Variants in ASTN1 observed in about 807,000 individuals in gnomAD.
ASTN1 encodes astrotactin 1.
ASTN1 carries 41 observed loss-of-function variants against 140.7 expected under a neutral mutation model. The ratio of observed to expected loss-of-function variants is 0.29; its 90% confidence interval spans 0.23 to 0.38. The LOEUF (loss-of-function observed/expected upper bound fraction) is 0.38, where lower values mean the gene tolerates loss of function less well. Ranked by LOEUF, ASTN1 falls within the 10% of genes least tolerant of loss-of-function variation. ASTN1 has a pLI of 1.00. For synonymous variants in ASTN1, 640 were observed against 652.2 expected (o/e 0.98, Z 0.29); for missense variants, 1,479 against 1,678.8 (o/e 0.88, Z 2.08).
At chr1:177,005,781 G>C (rs1025179012) in intron 8 of ASTN1, among the ~76,000 whole-genome samples, 7 of 152,088 alleles carry the variant, frequency 4.6e-5, no homozygotes, top group Admixed American at 3.9e-4. Flanking sequence ...CTAATTTTCT[G>C]TATTTTTAGT....
At chr1:177,001,230 T>C (rs988097878) in intron 8 of ASTN1, among the ~76,000 whole-genome samples, 2 of 152,210 alleles carry the variant, frequency 1.3e-5, no homozygotes, top group Non-Finnish European at 2.9e-5. Context: ...CAGTGCAATT[T>C]TACATAAGAG....
intron 16 of ASTN1, among the ~76,000 whole-genome samples, chr1:176,908,163 A>G (rs1159332996): frequency 6.6e-6 from 1 of 151,388 alleles, no homozygotes; most frequent in African/African-American, 2.4e-5. Flanking sequence ...ACACACACAG[A>G]GTTAGCTTTT....
intron 8 of ASTN1, chr1:176,981,276 G>A (rs1341665839): frequency 6.8e-6 from 1 of 146,082 alleles, no homozygotes; most frequent in African/African-American, 2.5e-5. Flanking sequence ...AATAAGATAT[G>A]GTAACTCTCC....
Position 177,029,849 on chromosome 1 carries a change from A to T in ASTN1, c.1013-108T>A, listed in dbSNP as rs73045473. The stretch of plus-strand genomic sequence containing the variant: ...AATCAACAAAAATGAAAGTAAGCTG[A>T]CTGATAATCTGGGAGAAATAGCCAA... On this transcript the variant is annotated intron_variant, in intron 4 of 22. Transcript: ENST00000361833. 4.9e-3 allele frequency: 5,257 copies of T among 1,076,752 alleles called. 184 individuals are homozygous for T. The African/African-American group carries it at 0.072, about 15-fold the overall frequency. The allele number at this position is 1,076,752 out of a possible 1,614,324, so 66.7% of individuals were successfully genotyped here.
intron 1 of ASTN1, among the ~76,000 whole-genome samples, chr1:177,151,008 T>G (rs1683007465): frequency 6.6e-6 from 1 of 152,074 alleles, no homozygotes; most frequent in African/African-American, 2.4e-5. Flanking sequence ...TAATAATGCG[T>G]TCTTGTGTAA....
rs1039318233 is a variant in ASTN1 at position 177,029,666 on chromosome 1, G to A, written c.1088C>T (p.Thr363Met). 12 of 1,613,794 alleles carry A rather than the reference G, an allele frequency of 7.4e-6. No homozygotes were observed. Among genetic ancestry groups the A allele is most frequent in the East Asian group, 2.2e-5 (1 of 44,882 alleles). The stretch of plus-strand genomic sequence containing the variant: ...ACGCCTCCTGCTCCTTGAAGGATCC[G>A]TGTAAAAGGTCAGCTGGGGGTCGTT... ...AENDPQLTFY[T>M]DPSRSRRRSR... The change falls in exon 5 of 23, where the codon ACG (threonine) becomes ATG (methionine). Residue 363 changes from threonine (T) to methionine (M), a missense_variant. Transcript: ENST00000361833.
At chr1:176,950,659 G>C (rs1045884613) in intron 11 of ASTN1, among the ~76,000 whole-genome samples, 1 of 151,836 alleles carries the variant, frequency 6.6e-6, no homozygotes, top group Admixed American at 6.6e-5. Flanking sequence ...ATTTGCATTA[G>C]AGCTAATCCT....
At chr1:177,105,357 A>G (rs1293161216) in intron 1 of ASTN1, among the ~76,000 whole-genome samples, 2 of 152,162 alleles carry the variant, frequency 1.3e-5, no homozygotes, top group Non-Finnish European at 2.9e-5. Flanking sequence ...TTTGCCCAAA[A>G]GTGAAAACCT....
chr1:176,902,822 C>A (rs1275453681), intron 16 of ASTN1, among the ~76,000 whole-genome samples: 1 of 152,190 alleles, frequency 6.6e-6, no homozygotes, highest in Non-Finnish European at 1.5e-5. Flanking sequence ...GAACAAATTG[C>A]TCAGCGAGGC....
chr1:177,094,808 GAA>G (rs1679948019), intron 1 of ASTN1, among the ~76,000 whole-genome samples: 1 of 152,198 alleles, frequency 6.6e-6, no homozygotes, highest in Non-Finnish European at 1.5e-5. Context: ...AGATTGCTGT[GAA>G]AAGACTGTTA....
intron 1 of ASTN1, among the ~76,000 whole-genome samples, chr1:177,075,645 C>CTTTTTTTTTTT (rs5778927): frequency 3.1e-4 from 31 of 99,538 alleles, no homozygotes; most frequent in Non-Finnish European, 4.0e-4. Context: ...CTTTTCTTTT[C>CTTTTTTTTTTT]TTTTTTTTTT....
At chr1:176,864,927 G>A (rs564631427) in intron 22 of ASTN1, among the ~76,000 whole-genome samples, 29 of 152,276 alleles carry the variant, frequency 1.9e-4, no homozygotes, top group South Asian at 1.0e-3. Flanking sequence ...TTCCAATGCC[G>A]CTTCTGAACT....
At chr1:176,950,435 G>A (rs981760590) in intron 11 of ASTN1, among the ~76,000 whole-genome samples, 6 of 152,236 alleles carry the variant, frequency 3.9e-5, no homozygotes, top group South Asian at 2.1e-4. Flanking sequence ...AGTAGTCACC[G>A]TTTACTGAAC....
intron 8 of ASTN1, among the ~76,000 whole-genome samples, chr1:176,990,105 GT>G (rs1395828818): frequency 1.3e-5 from 2 of 151,782 alleles, no homozygotes; most frequent in East Asian, 3.9e-4. Context: ...AACAAATGCA[GT>G]AAAAAGGAGC....
intron 1 of ASTN1, among the ~76,000 whole-genome samples, chr1:177,100,527 A>G (rs1357317648): frequency 6.6e-6 from 1 of 152,142 alleles, no homozygotes; most frequent in African/African-American, 2.4e-5. Flanking sequence ...CATAAAAATG[A>G]ACAAGCTGAG....
chr1:176,934,348 G>A lies in ASTN1; in HGVS notation c.2483-8C>T. Reference sequence around the variant, plus strand: ...GGAGAGCATTGCTGAGGGCTATGGAGAGGCATCACCCAAGGGTAAGAATGA... The same window carrying A: ...GGAGAGCATTGCTGAGGGCTATGGAAAGGCATCACCCAAGGGTAAGAATGA... On this transcript the variant is annotated splice_region_variant and splice_polypyrimidine_tract_variant and intron_variant, in intron 15 of 22. Coordinates refer to ENST00000361833, the MANE Select transcript of ASTN1 (RefSeq NM_004319.3). The A allele has an allele frequency of 6.3e-7, 1 of 1,598,858 alleles. No individual in the cohort carries two copies. The highest frequency in any genetic ancestry group is 2.2e-5 in the East Asian group (1 of 44,514).
chr1:177,105,858 G>A (rs1024820667), intron 1 of ASTN1, among the ~76,000 whole-genome samples: 6 of 152,144 alleles, frequency 3.9e-5, no homozygotes, highest in Non-Finnish European at 7.4e-5. Flanking sequence ...AGCTGGGTGC[G>A]GTGGCATGTG....
At chr1:177,124,548 G>A (rs1297276110) in intron 1 of ASTN1, among the ~76,000 whole-genome samples, 1 of 152,124 alleles carries the variant, frequency 6.6e-6, no homozygotes, top group Non-Finnish European at 1.5e-5. Flanking sequence ...AGCTTGGGAG[G>A]AACTTAGCCA....
intron 1 of ASTN1, among the ~76,000 whole-genome samples, chr1:177,075,946 C>T (rs574481571): frequency 2.2e-4 from 33 of 152,112 alleles, no homozygotes; most frequent in African/African-American, 7.7e-4. Context: ...GTGAACAAAC[C>T]TTTTGATCTC....
Sources: gnomAD v4.1 joint callset for allele counts (sites outside exome capture counted in the v4.1 genomes callset) on GRCh38, gnomAD v4.1.1 for gene constraint, MANE v1.5 for transcripts, NCBI Gene and HGNC (gene_info 2026-07-23, HGNC 2026-07-21) for gene names.